Variants in REPS1 observed in about 807,000 individuals in gnomAD.
REPS1 encodes ralBP1-associated Eps domain-containing protein 1.
Under a neutral mutation model 100.9 loss-of-function variants are expected in REPS1, and 39 were observed. That is an observed-to-expected ratio of 0.39 (90% confidence interval 0.30 to 0.50). REPS1 has a LOEUF of 0.50. REPS1 is among the 20% of genes least tolerant of loss of function. REPS1 has a pLI of 0.86. For missense variants in REPS1, 821 were observed against 968.5 expected, an observed-to-expected ratio of 0.85 and a Z score of 2.02; for synonymous variants, 324 against 340.3, an observed-to-expected ratio of 0.95 and a Z score of 0.53.
chr6:138,923,682 C>A (rs1780921990), intron 10 of REPS1, among the ~76,000 whole-genome samples: 1 of 152,132 alleles, frequency 6.6e-6, no homozygotes, highest in South Asian at 2.1e-4. Context: ...GGAAACAAGA[C>A]CATCAGAATC....
At position 138,945,537 on chromosome 6, in the gene REPS1, A is replaced by G. The variant is rs1432328442; in HGVS notation, c.438T>C (p.His146=). The change falls in exon 3 of 20, where the codon CAT becomes CAC. Residue 146 remains histidine (H), a synonymous_variant. Transcript: ENST00000450536. The part of the protein sequence containing the change: ...RGQVKKGSVS[H]DTVQPRTSAD... ...CAGATGTACGAGGCTGAACCGTATC[A>G]TGGCTTACGGATCCCTTTTTCACTT... 1 of 1,611,212 alleles carries G rather than the reference A, an allele frequency of 6.2e-7. No individual in the cohort carries two copies. The highest frequency in any genetic ancestry group is 8.5e-7 in the Non-Finnish European group (1 of 1,179,084).
At chr6:138,905,661 C>T (rs999003396) in intron 19 of REPS1, among the ~76,000 whole-genome samples, 3 of 152,156 alleles carry the variant, frequency 2.0e-5, no homozygotes, top group African/African-American at 7.2e-5. Context: ...TCTTATTACA[C>T]AAATCAGGGA....
In REPS1 at chr6:138,911,341, G is replaced by A. The variant is rs750510470; in HGVS notation, c.2002C>T (p.Leu668Phe). The A allele has an allele frequency of 6.2e-7, 1 of 1,613,634 alleles. No individual in the cohort carries two copies. Among genetic ancestry groups the A allele is most frequent in the Non-Finnish European group, 8.5e-7 (1 of 1,179,636 alleles). Reference sequence around the variant, plus strand: ...TTACTATCTGTTTTGGCAACTCGAAGAGAACTTGCAGGATCAGAAGCTTTT... The same window carrying A: ...TTACTATCTGTTTTGGCAACTCGAAAAGAACTTGCAGGATCAGAAGCTTTT... ...AEKASDPASS[L>F]RVAKTDSKTE... Residue 668 changes from leucine (L) to phenylalanine (F), a missense_variant, in exon 17 of 20, where the codon CTT becomes TTT. This residue lies in a region of REPS1 where 757 missense variants were observed against 866.4 expected (regional missense o/e 0.87). Coordinates refer to ENST00000450536, the MANE Select transcript of REPS1 (RefSeq NM_001286611.2).
At chr6:138,976,014 G>C (rs1023196127) in intron 1 of REPS1, among the ~76,000 whole-genome samples, 1 of 152,098 alleles carries the variant, frequency 6.6e-6, no homozygotes, top group Admixed American at 6.6e-5. Context: ...CTCAATACTT[G>C]CTGACACAGA....
chr6:138,985,540 C>T (rs1041415836), intron 1 of REPS1, among the ~76,000 whole-genome samples: 1 of 152,182 alleles, frequency 6.6e-6, no homozygotes, highest in Admixed American at 6.5e-5. Flanking sequence ...ACATATTCTC[C>T]TTTTGTCTCA....
intron 10 of REPS1, 72 bp downstream of exon 10, chr6:138,926,329 A>G (rs1781122157): frequency 6.9e-6 from 8 of 1,161,282 alleles, no homozygotes; most frequent in Middle Eastern, 1.9e-4. Flanking sequence ...CATATCAGCT[A>G]AAAACGATAA....
At chr6:138,957,461 A>G (rs1783461313) in intron 1 of REPS1, among the ~76,000 whole-genome samples, 1 of 152,256 alleles carries the variant, frequency 6.6e-6, no homozygotes, top group Admixed American at 6.5e-5. Flanking sequence ...GAAAGAATGG[A>G]CATTTTCAAC....
At chr6:138,969,859 A>T (rs369168881) in intron 1 of REPS1, among the ~76,000 whole-genome samples, 29 of 94,624 alleles carry the variant, frequency 3.1e-4, no homozygotes, top group South Asian at 8.9e-4. Flanking sequence ...GTGAATTGGG[A>T]TTTTTTTTTT....
In REPS1 at chr6:138,904,549, T is replaced by C. The variant is rs191946632; in HGVS notation, c.*515A>G. On this transcript the variant is annotated 3_prime_UTR_variant, in exon 20 of 20. Coordinates refer to ENST00000450536, the MANE Select transcript of REPS1 (RefSeq NM_001286611.2). Reference sequence around the variant, plus strand: ...AAAGAGGCTTCAATGTACCACATGATTTGTGAAGAATGTAGACGGCTGCAG... The same window carrying C: ...AAAGAGGCTTCAATGTACCACATGACTTGTGAAGAATGTAGACGGCTGCAG... The C allele has an allele frequency of 6.6e-6, 1 of 152,386 alleles. No homozygotes were observed. The highest frequency in any genetic ancestry group is 1.5e-5 in the Non-Finnish European group (1 of 68,042). 9.4% of individuals were successfully genotyped at this position (152,386 alleles called of 1,614,324 possible). A position where few individuals can be genotyped will look rare whatever the true frequency, so the allele number is the denominator to read the frequency against.
intron 8 of REPS1, among the ~76,000 whole-genome samples, chr6:138,939,801 T>C (rs973013184): frequency 1.3e-5 from 2 of 152,234 alleles, no homozygotes; most frequent in Non-Finnish European, 2.9e-5. Flanking sequence ...GTACTTTGAA[T>C]CAAAATTACC....
intron 9 of REPS1, 78 bp downstream of exon 9, chr6:138,929,899 G>T: frequency 7.0e-7 from 1 of 1,418,694 alleles, no homozygotes; most frequent in Non-Finnish European, 9.9e-7. Flanking sequence ...GGAAGAGACA[G>T]ACTGAAATTG....
chr6:138,957,289 T>C (rs1783448684), intron 1 of REPS1, among the ~76,000 whole-genome samples: 1 of 152,132 alleles, frequency 6.6e-6, no homozygotes, highest in Non-Finnish European at 1.5e-5. Flanking sequence ...GGGGAGAACA[T>C]TAGAAATGGC....
intron 8 of REPS1, 87 bp from the exon 9 acceptor site, chr6:138,930,185 G>A (rs1211896975): frequency 9.9e-6 from 11 of 1,109,086 alleles, no homozygotes; most frequent in Admixed American, 4.5e-5. Context: ...AAAGCCAACC[G>A]ATGATTTTCA....
Position 138,987,635 on chromosome 6 carries a change from A to C in REPS1, c.48T>G (p.Asp16Glu). The C allele has an allele frequency of 6.4e-7, 1 of 1,550,658 alleles. No homozygotes were observed. Among genetic ancestry groups the C allele is most frequent in the Middle Eastern group, 1.7e-4 (1 of 5,984 alleles). Residue 16 changes from aspartate to glutamate, a missense_variant, in exon 1 of 20, where the codon GAT (aspartate) becomes GAG (glutamate). Around this residue, in one of 3 missense-constraint regions of REPS1, gnomAD observed 36 missense variants for 36.7 expected, o/e 0.98. Transcript: ENST00000450536. ...LSDAEQKYYS[D>E]LFSYCDIEST... is the part of the protein sequence containing the mutation. ...TCTCAATGTCGCAGTAGGAGAAGAG[A>C]TCTGAATAGTATTTCTGCTCCGCAT...
At chr6:138,914,095 G>T (rs183746489) in intron 15 of REPS1, among the ~76,000 whole-genome samples, 340 of 151,112 alleles carry the variant, frequency 2.2e-3, no homozygotes, top group Non-Finnish European at 3.0e-3. Context: ...TTTGAGACAG[G>T]GTCTCACTCT....
intron 1 of REPS1, among the ~76,000 whole-genome samples, chr6:138,979,198 C>CAAAAAAAAAAAAAAAAAA (rs1277794755): frequency 2.2e-5 from 2 of 91,798 alleles, no homozygotes; most frequent in African/African-American, 1.0e-4. Context: ...AAAAAAAAAA[C>CAAAAAAAAAAAAAAAAAA]AAAAAAAAAA....
intron 4 of REPS1, 108 bp downstream of exon 4, chr6:138,945,111 T>C: frequency 2.1e-6 from 2 of 951,042 alleles, no homozygotes; most frequent in Non-Finnish European, 3.0e-6. Context: ...CACAAGCCTA[T>C]AATCCCCACC....
chr6:138,952,943 T>A (rs1053294028), intron 1 of REPS1, among the ~76,000 whole-genome samples: 3 of 151,846 alleles, frequency 2.0e-5, no homozygotes, highest in Admixed American at 2.0e-4. Context: ...GTTCAAGCGA[T>A]TCTCCTGTCT....
intron 1 of REPS1, among the ~76,000 whole-genome samples, chr6:138,979,289 CAT>C (rs1784800824): frequency 2.0e-5 from 3 of 151,402 alleles, no homozygotes; most frequent in Admixed American, 1.3e-4. Flanking sequence ...AAGGACTTCT[CAT>C]CTCCCTTATC....
Sources: allele counts gnomAD v4.1 joint callset (sites outside exome capture counted in the v4.1 genomes callset), GRCh38; gene constraint gnomAD v4.1.1; regional missense constraint gnomAD v4.1.1; transcripts MANE v1.5; gene names NCBI Gene and HGNC (gene_info 2026-07-23, HGNC 2026-07-21).